Variants in PIK3C2G observed in about 807,000 individuals in gnomAD.
The protein encoded by PIK3C2G is phosphatidylinositol 3-kinase C2 domain-containing subunit gamma.
Under a neutral mutation model 181.1 loss-of-function variants are expected in PIK3C2G, and 168 were observed. The observed-to-expected ratio is 0.93, with a 90% CI of 0.82 to 1.05. PIK3C2G has a LOEUF of 1.05. Among genes scored for constraint, PIK3C2G ranks in the 50% least tolerant of loss-of-function variants. PIK3C2G has a pLI of 0.00. For synonymous variants in PIK3C2G, 573 were observed against 592.2 expected, an observed-to-expected ratio of 0.97 and a Z score of 0.47; for missense variants, 1,869 against 1,732.8, an observed-to-expected ratio of 1.08 and a Z score of -1.40.
chr12:18,416,965 G>T (rs1945216778), intron 16 of PIK3C2G, among the ~76,000 whole-genome samples: 1 of 152,132 alleles, frequency 6.6e-6, no homozygotes, highest in Admixed American at 6.6e-5. Flanking sequence ...GGGTAAATTG[G>T]AAACCTTCTG....
At chr12:18,306,644 A>G (rs1950432896) in intron 5 of PIK3C2G, among the ~76,000 whole-genome samples, 1 of 152,086 alleles carries the variant, frequency 6.6e-6, no homozygotes, top group African/African-American at 2.4e-5. Context: ...ATGTGTGTAC[A>G]TGTGCCAAGT....
chr12:18,394,006 A>T (rs61914529), intron 15 of PIK3C2G, among the ~76,000 whole-genome samples: 19,457 of 152,026 alleles, frequency 0.13, 1,272 homozygotes, highest in African/African-American at 0.16. Context: ...AAACTACTCA[A>T]CTTTCCAGGT....
the PIK3C2G span, among the ~76,000 whole-genome samples, chr12:18,710,837 C>A: frequency 0.05 from 7,653 of 152,198 alleles, 280 homozygotes; most frequent in Non-Finnish European, 0.076. Flanking sequence ...CAATGAGATG[C>A]AATCTCACAC....
In PIK3C2G at chr12:18,282,597, A is replaced by C. The variant is rs1393875966; in HGVS notation, c.516A>C (p.Glu172Asp). The C allele has an allele frequency of 5.0e-6, 8 of 1,613,210 alleles. No homozygotes were observed. Among genetic ancestry groups the C allele is most frequent in the Non-Finnish European group, 6.8e-6 (8 of 1,179,330 alleles). The change falls in exon 2 of 33, where the codon GAA (glutamate) becomes GAC (aspartate). Residue 172 changes from glutamate (E) to aspartate (D), a missense_variant. Transcript: ENST00000538779. ...NENHNYHIGF[E>D]SSIPPTNSSF... The stretch of plus-strand genomic sequence containing the variant: ...ATCATAACTACCATATAGGATTTGA[A>C]AGTAGCATTCCTCCAACAAATTCAT...
intron 18 of PIK3C2G, among the ~76,000 whole-genome samples, chr12:18,464,577 CAGA>C (rs1207901923): frequency 1.3e-5 from 2 of 152,188 alleles, no homozygotes; most frequent in South Asian, 2.1e-4. Flanking sequence ...TCTTTCTCAT[CAGA>C]AGAAGAAATG....
At position 18,584,119 on chromosome 12, in the gene PIK3C2G, C is replaced by T. The variant is rs113669193; in HGVS notation, c.4012-10375C>T. 8.7e-3 allele frequency among the ~76,000 whole-genome samples: 1,327 copies of T among 151,820 alleles called. 21 individuals are homozygous for T. Among genetic ancestry groups the T allele is most frequent in the African/African-American group, 0.031 (1,265 of 41,372 alleles). On this transcript the variant is annotated intron_variant, in intron 29 of 32. Transcript: ENST00000538779. ...TCTCGGCTCACCACAAGGTCCACCT[C>T]CCGGTTCACGCCATTCTCCTGCCCC...
chr12:18,564,930 C>T (rs932854338), intron 28 of PIK3C2G, among the ~76,000 whole-genome samples: 4 of 152,096 alleles, frequency 2.6e-5, no homozygotes, highest in Non-Finnish European at 5.9e-5. Context: ...ACTTGTAAAA[C>T]TTTAAAAATT....
At position 18,521,911 on chromosome 12, in the gene PIK3C2G, T is replaced by C. The variant is rs1473851490; in HGVS notation, c.3324-16245T>C. Among the ~76,000 whole-genome samples, 14 of 152,310 alleles carry C rather than the reference T, an allele frequency of 9.2e-5. No individual in the cohort carries two copies. In the East Asian group the frequency reaches 2.7e-3, roughly 29 times the overall value. On this transcript the variant is annotated intron_variant, in intron 24 of 32. Coordinates refer to ENST00000538779, the MANE Select transcript of PIK3C2G (RefSeq NM_001288772.2). ...GGTGTGGGATCTTCCAAATCATGGG[T>C]TGCACAGTTCCATGGAAAAAGCATG...
rs766981923 is a variant in PIK3C2G at position 18,293,918 on chromosome 12, G to C, written c.937G>C (p.Asp313His). 4.6e-6 allele frequency: 7 copies of C among 1,536,946 alleles called. No homozygotes were observed. The highest frequency in any genetic ancestry group is 6.3e-6 in the Non-Finnish European group (7 of 1,109,958). Residue 313 changes from aspartate (D) to histidine (H), a missense_variant, in exon 5 of 33, where the codon GAT becomes CAT. Transcript: ENST00000538779. ...TTCTTTAGCTAATTATCTTGTCAAA[G>C]ATCTAATTGCAGAAATTCTGCATTT... ...FMPCANYLVK[D>H]LIAEILHFCT...
intron 18 of PIK3C2G, among the ~76,000 whole-genome samples, chr12:18,460,212 CCTCT>C (rs1356893804): frequency 6.6e-6 from 1 of 152,094 alleles, no homozygotes; most frequent in Non-Finnish European, 1.5e-5. Context: ...TGTTTCTAAA[CCTCT>C]CTGAGACTCA....
In PIK3C2G at chr12:18,594,518, C is replaced by T; in HGVS notation, c.4036C>T (p.Leu1346Phe). 3 of 1,550,362 alleles carry T rather than the reference C, an allele frequency of 1.9e-6. No homozygotes were observed. Among genetic ancestry groups the T allele is most frequent in the Non-Finnish European group, 2.6e-6 (3 of 1,155,462 alleles). The change falls in exon 30 of 33, where the codon CTC (leucine) becomes TTC (phenylalanine). Residue 1346 changes from leucine to phenylalanine, a missense_variant. Transcript: ENST00000538779. ...TNSDCVLSFF[L>F]SEAVQQTVEE... is the part of the protein sequence containing the mutation. ...GAGTGATTGTGTACTTAGCTTTTTC[C>T]TCTCTGAGGCTGTGCAACAAACAGT...
At chr12:18,322,033 G>C (rs574020025) in intron 7 of PIK3C2G, among the ~76,000 whole-genome samples, 1 of 152,178 alleles carries the variant, frequency 6.6e-6, no homozygotes, top group Admixed American at 6.5e-5. Context: ...CCACCATTGC[G>C]CACGTTTACC....
the PIK3C2G span, among the ~76,000 whole-genome samples, chr12:18,685,921 A>G: frequency 5.9e-5 from 9 of 151,880 alleles, no homozygotes; most frequent in African/African-American, 2.2e-4. Context: ...TCAGTTGTCA[A>G]CATAAAAAAA....
At chr12:18,385,813 A>C (rs552002754) in intron 14 of PIK3C2G, among the ~76,000 whole-genome samples, 2 of 152,054 alleles carry the variant, frequency 1.3e-5, no homozygotes, top group East Asian at 3.9e-4. Context: ...TAATCCACCT[A>C]TCTCGGACCC....
At chr12:18,273,002 A>C (rs1210521109) in intron 1 of PIK3C2G, among the ~76,000 whole-genome samples, 5 of 150,858 alleles carry the variant, frequency 3.3e-5, no homozygotes, top group South Asian at 2.1e-4. Context: ...ACACACACAC[A>C]CCCCCATCCA....
intron 16 of PIK3C2G, among the ~76,000 whole-genome samples, chr12:18,410,887 C>A (rs948030209): frequency 6.6e-6 from 1 of 152,066 alleles, no homozygotes; most frequent in Admixed American, 6.6e-5. Flanking sequence ...GTAAAATCAA[C>A]GTGTAATTAT....
At chr12:18,321,212 T>G (rs1211230409) in intron 7 of PIK3C2G, among the ~76,000 whole-genome samples, 180 bp downstream of exon 7, 1 of 152,246 alleles carries the variant, frequency 6.6e-6, no homozygotes, top group Admixed American at 6.5e-5. Context: ...TCAGACATAT[T>G]TGAAGAGCTG....
chr12:18,620,527 C>CAGACAGAT (rs538068604), intron 31 of PIK3C2G, among the ~76,000 whole-genome samples: 247 of 148,174 alleles, frequency 1.7e-3, no homozygotes, highest in Middle Eastern at 6.8e-3. Context: ...ATTAGACAGA[C>CAGACAGAT]AGATAGATAG....
At chr12:18,520,022 A>G (rs1011793904) in intron 24 of PIK3C2G, among the ~76,000 whole-genome samples, 1 of 151,142 alleles carries the variant, frequency 6.6e-6, no homozygotes, top group Non-Finnish European at 1.5e-5. Context: ...AAAAAAAAAA[A>G]AAAAGAATGT....
Sources: gnomAD v4.1 joint callset for allele counts (sites outside exome capture counted in the v4.1 genomes callset) on GRCh38, gnomAD v4.1.1 for gene constraint, MANE v1.5 for transcripts, NCBI Gene and HGNC (gene_info 2026-07-23, HGNC 2026-07-21) for gene names.